Variants in FANCL observed in about 807,000 individuals in gnomAD.
FANCL encodes E3 ubiquitin-protein ligase FANCL.
FANCL carries 69 observed loss-of-function variants against 59.4 expected under a neutral mutation model. That is an observed-to-expected ratio of 1.16 (90% CI 0.96 to 1.42). The LOEUF is 1.42. Ranked by LOEUF, FANCL falls within the 40% of genes most tolerant of loss-of-function variation. The probability of loss-of-function intolerance (pLI) is 0.00; values close to 1 mark genes in which losing one functional copy is unlikely to be tolerated. For missense variants in FANCL, 519 were observed against 447.2 expected (o/e 1.16, Z -1.45); for synonymous variants, 180 against 147.1 (o/e 1.22, Z -1.62).
intron 5 of FANCL, among the ~76,000 whole-genome samples, chr2:58,208,395 T>C (rs988180972): frequency 1.6e-4 from 25 of 152,218 alleles, no homozygotes; most frequent in Non-Finnish European, 3.1e-4. Context: ...TATTTCTTTA[T>C]AAGTTAAATT....
intron 4 of FANCL, among the ~76,000 whole-genome samples, chr2:58,223,140 G>GA (rs796713283): frequency 0.053 from 7,174 of 134,136 alleles, 561 homozygotes; most frequent in African/African-American, 0.17. Context: ...GCTTTATGAT[G>GA]AAAAAAAAAA....
At chr2:58,196,555 T>C (rs1052383163) in intron 7 of FANCL, among the ~76,000 whole-genome samples, 5 of 150,114 alleles carry the variant, frequency 3.3e-5, no homozygotes, top group African/African-American at 1.3e-4. Flanking sequence ...ATTATTAATA[T>C]AATATTTATT....
chr2:58,228,615 G>A (rs1693267667), intron 3 of FANCL, among the ~76,000 whole-genome samples: 1 of 152,172 alleles, frequency 6.6e-6, no homozygotes, highest in African/African-American at 2.4e-5. Context: ...GGCTTACTAA[G>A]CCAGAAAAAC....
intron 7 of FANCL, among the ~76,000 whole-genome samples, chr2:58,175,633 C>T (rs1037056213): frequency 2.2e-4 from 34 of 152,230 alleles, no homozygotes; most frequent in African/African-American, 7.9e-4. Context: ...TGGGACGTAT[C>T]TCAAAATAAT....
chr2:58,204,047 C>T, intron 6 of FANCL, 83 bp downstream of exon 6: 3 of 1,011,710 alleles, frequency 3.0e-6, no homozygotes, highest in Non-Finnish European at 4.7e-6. Flanking sequence ...ATGTAACTAG[C>T]ACTTCTTTAC....
intron 7 of FANCL, among the ~76,000 whole-genome samples, chr2:58,189,901 C>T (rs971088433): frequency 6.6e-6 from 1 of 151,948 alleles, no homozygotes; most frequent in Admixed American, 6.6e-5. Flanking sequence ...CCCTATAATA[C>T]TTGCAGATAA....
At chr2:58,216,685 T>A (rs1691754027) in intron 5 of FANCL, among the ~76,000 whole-genome samples, 1 of 152,106 alleles carries the variant, frequency 6.6e-6, no homozygotes, top group Non-Finnish European at 1.5e-5. Flanking sequence ...TAAGATCATA[T>A]GACAATAAAC....
At chr2:58,198,775 A>T (rs1689693493) in intron 6 of FANCL, 113 bp from the exon 7 acceptor site, 2 of 764,066 alleles carry the variant, frequency 2.6e-6, no homozygotes, top group Non-Finnish European at 4.5e-6. Context: ...CACGCCTGTA[A>T]TCCCAGCACT....
At chr2:58,211,212 T>C in intron 5 of FANCL, among the ~76,000 whole-genome samples, 1 of 152,136 alleles carries the variant, frequency 6.6e-6, no homozygotes, top group South Asian at 2.1e-4. Context: ...TAGGCGGAGG[T>C]TCTGAAACCT....
At chr2:58,180,823 C>T (rs1687867677) in intron 7 of FANCL, among the ~76,000 whole-genome samples, 1 of 151,800 alleles carries the variant, frequency 6.6e-6, no homozygotes, top group South Asian at 2.1e-4. Context: ...TGTGTGTGTG[C>T]CCATTTGTAA....
At chr2:58,226,170 T>C (rs889269560) in intron 4 of FANCL, among the ~76,000 whole-genome samples, 1 of 152,106 alleles carries the variant, frequency 6.6e-6, no homozygotes, top group African/African-American at 2.4e-5. Flanking sequence ...GGCCCAGCAG[T>C]ATTCACTATA....
chr2:58,169,210 C>A (rs571857918), intron 7 of FANCL, among the ~76,000 whole-genome samples: 1 of 152,180 alleles, frequency 6.6e-6, no homozygotes, highest in Non-Finnish European at 1.5e-5. Context: ...GAGAAAGGAA[C>A]AGGCAGCAAA....
chr2:58,205,848 G>T (rs1387865048), intron 5 of FANCL, among the ~76,000 whole-genome samples: 1 of 151,916 alleles, frequency 6.6e-6, no homozygotes, highest in Non-Finnish European at 1.5e-5. Flanking sequence ...ATAAAAGGGG[G>T]AAGAAGAAAC....
intron 7 of FANCL, among the ~76,000 whole-genome samples, chr2:58,183,149 A>G (rs73944828): frequency 0.03 from 4,514 of 151,942 alleles, 240 homozygotes; most frequent in African/African-American, 0.1. Flanking sequence ...AAGGATTGAT[A>G]CCCTTAATAT....
At chr2:58,197,487 G>C (rs1377042803) in intron 7 of FANCL, among the ~76,000 whole-genome samples, 1 of 152,066 alleles carries the variant, frequency 6.6e-6, no homozygotes, top group Non-Finnish European at 1.5e-5. Context: ...AATTTACTTG[G>C]TGAAAGAACT....
chr2:58,200,577 T>C (rs919120571), intron 6 of FANCL, among the ~76,000 whole-genome samples: 1 of 151,998 alleles, frequency 6.6e-6, no homozygotes, highest in Admixed American at 6.6e-5. Context: ...ATAAGACTAA[T>C]GAAATGTTTA....
At chr2:58,177,934 AACT>A (rs1421208512) in intron 7 of FANCL, among the ~76,000 whole-genome samples, 3 of 152,124 alleles carry the variant, frequency 2.0e-5, no homozygotes, top group African/African-American at 7.2e-5. Context: ...CAGAAATACA[AACT>A]ACTATCACAG....
In FANCL at chr2:58,241,211, C is replaced by T. The variant is rs2104079704; in HGVS notation, c.96+7G>A. On this transcript the variant is annotated splice_region_variant and intron_variant, in intron 1 of 13. Coordinates refer to ENST00000233741, the MANE Select transcript of FANCL (RefSeq NM_018062.4). ...TCTTAGCTAGAAAGCAACCACTGGGCGGGTACCTGAGCCGAGATGAATCCC... is the reference window on the plus strand; with the variant it reads ...TCTTAGCTAGAAAGCAACCACTGGGTGGGTACCTGAGCCGAGATGAATCCC... 1 of 1,614,038 alleles carries T rather than the reference C, an allele frequency of 6.2e-7. No homozygotes were observed. Among genetic ancestry groups the T allele is most frequent in the Non-Finnish European group, 8.5e-7 (1 of 1,179,866 alleles).
chr2:58,241,122 G>T, intron 1 of FANCL, 96 bp downstream of exon 1: 3 of 1,328,072 alleles, frequency 2.3e-6, no homozygotes, highest in Non-Finnish European at 3.2e-6. Context: ...ATCCCCACAA[G>T]TCTGGGCCCC....
Sources: gnomAD v4.1 joint callset for allele counts (sites outside exome capture counted in the v4.1 genomes callset) on GRCh38, gnomAD v4.1.1 for gene constraint, MANE v1.5 for transcripts, NCBI Gene and HGNC (gene_info 2026-07-23, HGNC 2026-07-21) for gene names.